Variants in COL25A1 observed in about 807,000 individuals in gnomAD.
COL25A1 encodes the protein collagen alpha-1(XXV) chain.
In COL25A1, 103 loss-of-function variants were observed where a neutral mutation model predicts 128.4. The observed-to-expected ratio is 0.80, with a 90% CI of 0.68 to 0.94. COL25A1 has a LOEUF of 0.94. Ranked by LOEUF, COL25A1 falls within the 40% of genes least tolerant of loss-of-function variation. COL25A1 has a pLI of 0.00. For synonymous variants in COL25A1, 279 were observed against 277.2 expected, an observed-to-expected ratio of 1.01 and a Z score of -0.06; for missense variants, 745 against 840.0, an observed-to-expected ratio of 0.89 and a Z score of 1.40.
rs375115264 is a variant in COL25A1, at chr4:109,223,395, A to AT, written c.367+77187dup. Reference sequence around the variant, plus strand: ...ATTGGAAATTATTATTATATTCCACATTTCCCCCCCCCAAAAAAAACTGCA... The same window carrying AT: ...ATTGGAAATTATTATTATATTCCACATTTTCCCCCCCCCAAAAAAAACTGCA... On this transcript the variant is annotated intron_variant, in intron 3 of 37. Transcript: ENST00000399132. 6.0e-3 allele frequency among the ~76,000 whole-genome samples: 913 copies of AT among 151,752 alleles called. 9 individuals carry two copies. The highest frequency in any genetic ancestry group is 0.02 in the African/African-American group (839 of 41,444).
intron 3 of COL25A1, among the ~76,000 whole-genome samples, chr4:109,145,386 A>C (rs978162300): frequency 2.6e-5 from 4 of 152,136 alleles, no homozygotes; most frequent in African/African-American, 9.7e-5. Flanking sequence ...CTTTTACCTA[A>C]ATGATATAGC....
chr4:108,844,665 T>C (rs952729246), intron 29 of COL25A1, 96 bp from the exon 30 acceptor site: 4 of 1,488,756 alleles, frequency 2.7e-6, no homozygotes, highest in African/African-American at 1.4e-5. Context: ...AGGCCATTAG[T>C]AGTTGGAGAG....
chr4:109,270,703 GC>G (rs1782134578), intron 3 of COL25A1, among the ~76,000 whole-genome samples: 1 of 152,020 alleles, frequency 6.6e-6, no homozygotes, highest in Non-Finnish European at 1.5e-5. Context: ...ATGGAACCAA[GC>G]CCCTTTTGCA....
intron 8 of COL25A1, among the ~76,000 whole-genome samples, chr4:108,953,911 C>T (rs1749752902): frequency 6.6e-6 from 1 of 152,118 alleles, no homozygotes; most frequent in South Asian, 2.1e-4. Context: ...CTTAGCCCAA[C>T]TGATAGAACT....
intron 16 of COL25A1, among the ~76,000 whole-genome samples, chr4:108,890,272 T>C (rs1472063562): frequency 1.3e-5 from 2 of 152,208 alleles, no homozygotes; most frequent in Admixed American, 6.5e-5. Context: ...GTTTTCCTCA[T>C]GAAGCACTGT....
At chr4:109,176,316 G>A (rs1053578017) in intron 3 of COL25A1, among the ~76,000 whole-genome samples, 17 of 152,154 alleles carry the variant, frequency 1.1e-4, no homozygotes, top group Admixed American at 1.0e-3. Flanking sequence ...CTTGAACCTG[G>A]GAGGTGGAGA....
At chr4:108,980,792 AAAG>A (rs1448629120) in intron 6 of COL25A1, among the ~76,000 whole-genome samples, 10 of 152,216 alleles carry the variant, frequency 6.6e-5, no homozygotes, top group African/African-American at 2.4e-4. Context: ...TTTTAAAGAT[AAAG>A]AAGATAGTCT....
intron 3 of COL25A1, among the ~76,000 whole-genome samples, chr4:109,195,686 T>C (rs1040567721): frequency 2.0e-5 from 3 of 152,150 alleles, no homozygotes; most frequent in Admixed American, 6.5e-5. Context: ...CAGACTGTCA[T>C]ATTGAACAGA....
At chr4:109,112,657 G>A (rs1435554377) in intron 3 of COL25A1, among the ~76,000 whole-genome samples, 1 of 151,862 alleles carries the variant, frequency 6.6e-6, no homozygotes, top group Non-Finnish European at 1.5e-5. Context: ...CCTCAAAAAA[G>A]AAAGAAAAAT....
intron 3 of COL25A1, among the ~76,000 whole-genome samples, chr4:109,240,241 C>T (rs1779806323): frequency 6.6e-6 from 1 of 152,014 alleles, no homozygotes; most frequent in Non-Finnish European, 1.5e-5. Flanking sequence ...ACTGTATGTG[C>T]TATACTTTTG....
intron 3 of COL25A1, among the ~76,000 whole-genome samples, chr4:109,117,583 A>C (rs980526304): frequency 5.9e-5 from 9 of 151,994 alleles, no homozygotes; most frequent in African/African-American, 1.9e-4. Context: ...GGAATGACTA[A>C]GTGAAAGTAA....
chr4:109,107,071 T>C (rs1766506151), intron 3 of COL25A1, among the ~76,000 whole-genome samples: 1 of 152,154 alleles, frequency 6.6e-6, no homozygotes, highest in Admixed American at 6.5e-5. Flanking sequence ...ACTAGCCCAT[T>C]TAAAATTTAA....
intron 3 of COL25A1, among the ~76,000 whole-genome samples, chr4:109,093,178 T>C (rs1765079651): frequency 6.6e-6 from 1 of 152,184 alleles, no homozygotes; most frequent in African/African-American, 2.4e-5. Flanking sequence ...CAGACATGAC[T>C]TTAATAAGGC....
In COL25A1 at chr4:109,118,260, T is replaced by C. The variant is rs530077681; in HGVS notation, c.368-68081A>G. Among the ~76,000 whole-genome samples the C allele has an allele frequency of 1.3e-4, 20 of 152,036 alleles. No homozygotes were observed. The East Asian group carries it at 3.7e-3, about 28-fold the overall frequency. On this transcript the variant is annotated intron_variant, in intron 3 of 37. Coordinates refer to ENST00000399132, the MANE Select transcript of COL25A1 (RefSeq NM_198721.4). ...AAAGGGTACAATGTTTCAGTTAGAC[T>C]TGAATGAGTTTTAGTGATCTATTGC...
intron 3 of COL25A1, among the ~76,000 whole-genome samples, chr4:109,144,548 T>C (rs1441786827): frequency 4.6e-5 from 7 of 152,212 alleles, no homozygotes; most frequent in Non-Finnish European, 8.8e-5. Flanking sequence ...GTTTCATCTA[T>C]AAGCCCCTGA....
intron 3 of COL25A1, among the ~76,000 whole-genome samples, chr4:109,114,879 T>C (rs1426351467): frequency 2.6e-5 from 4 of 152,192 alleles, no homozygotes; most frequent in Admixed American, 2.0e-4. Flanking sequence ...GGAGTGGCTA[T>C]CTATTTAAGG....
At chr4:109,054,902 G>T (rs1040925050) in intron 3 of COL25A1, among the ~76,000 whole-genome samples, 1 of 152,160 alleles carries the variant, frequency 6.6e-6, no homozygotes, top group African/African-American at 2.4e-5. Context: ...TCCCTGAACA[G>T]GTCGCCAACA....
chr4:109,231,845 G>C (rs1262584257), intron 3 of COL25A1, among the ~76,000 whole-genome samples: 2 of 152,114 alleles, frequency 1.3e-5, no homozygotes, highest in Admixed American at 6.5e-5. Flanking sequence ...TGCTGAATTT[G>C]TTTTTTTATG....
intron 3 of COL25A1, among the ~76,000 whole-genome samples, chr4:109,164,971 C>A (rs1451688448): frequency 6.6e-6 from 1 of 152,152 alleles, no homozygotes; most frequent in African/African-American, 2.4e-5. Flanking sequence ...CTACTTCATT[C>A]TGTGGTTTTA....
Sources: allele counts gnomAD v4.1 joint callset (sites outside exome capture counted in the v4.1 genomes callset), GRCh38; gene constraint gnomAD v4.1.1; transcripts MANE v1.5; gene names NCBI Gene and HGNC (gene_info 2026-07-23, HGNC 2026-07-21).